Variants in LCE1B observed in about 807,000 individuals in gnomAD.
LCE1B encodes late cornified envelope 1B.
For missense variants in LCE1B, 151 were observed against 147.2 expected, an observed-to-expected ratio of 1.03 and a Z score of -0.14; for synonymous variants, 56 against 55.9, an observed-to-expected ratio of 1.00 and a Z score of -0.01.
Position 152,812,714 on chromosome 1 carries a change from C to A in LCE1B, c.268C>A (p.Pro90Thr). The A allele has an allele frequency of 6.2e-7, 1 of 1,614,058 alleles. No individual in the cohort carries two copies. Among genetic ancestry groups the A allele is most frequent in the Non-Finnish European group, 8.5e-7 (1 of 1,179,978 alleles). The change falls in exon 1 of 1, where the codon CCC becomes ACC. Residue 90 changes from proline (P) to threonine (T), a missense_variant. Pro to Thr is a conservative substitution (Grantham distance 38). Transcript: ENST00000360090. ...GCGCCGTAGGTCCCACTGCCACAGA[C>A]CCCAGAGCTCTGGCTGCTGCAGCCA... ...HRRRRSHCHRPQSSGCCSQPS... is the reference protein window; with the variant it reads ...HRRRRSHCHRTQSSGCCSQPS...
rs1652514311 is a variant in LCE1B at position 152,812,154 on chromosome 1, T to C, written c.-293T>C. On this transcript the variant is annotated 5_prime_UTR_variant, in exon 1 of 1. Transcript: ENST00000360090. ...CTACATGCTTGATTTTGAGAATACT[T>C]TCTTAATATCTTTTGGCTTCGGTTT... is the stretch of plus-strand genomic sequence containing the variant. The C allele has an allele frequency of 2.3e-6, 1 of 425,792 alleles. No individual in the cohort carries two copies. The highest frequency in any genetic ancestry group is 4.2e-6 in the Non-Finnish European group (1 of 237,030). 26.4% of individuals were successfully genotyped at this position (425,792 alleles called of 1,614,324 possible). A position where few individuals can be genotyped will look rare whatever the true frequency, so the allele number is the denominator to read the frequency against.
rs1038723191 is a variant in LCE1B at position 152,812,074 on chromosome 1, T to C, written c.-373T>C. The C allele has an allele frequency of 1.8e-4, 35 of 191,268 alleles. No individual in the cohort carries two copies. The highest frequency in any genetic ancestry group is 8.2e-4 in the African/African-American group (35 of 42,480). The allele number at this position is 191,268 out of a possible 1,614,324, so 11.8% of individuals were successfully genotyped here. On this transcript the variant is annotated 5_prime_UTR_variant, in exon 1 of 1. Coordinates refer to ENST00000360090, the MANE Select transcript of LCE1B (RefSeq NM_178349.2). ...ACAATTTTATTTCCAAACCCCTTTC[T>C]AGATTGTTTTCATGATTCAGGTGTG... is the stretch of plus-strand genomic sequence containing the variant.
chr1:152,812,188 T>G lies in LCE1B; in HGVS notation c.-259T>G. The G allele has an allele frequency of 2.0e-6, 1 of 511,388 alleles. No homozygotes were observed. The highest frequency in any genetic ancestry group is 3.0e-5 in the South Asian group (1 of 33,090). 31.7% of individuals were successfully genotyped at this position (511,388 alleles called of 1,614,324 possible). A position where few individuals can be genotyped will look rare whatever the true frequency, so the allele number is the denominator to read the frequency against. The stretch of plus-strand genomic sequence containing the variant: ...TCTTTTGGCTTCGGTTTTCTAATTA[T>G]AAAATAGTTGAAAATGCTTTATGAT... On this transcript the variant is annotated 5_prime_UTR_variant, in exon 1 of 1. Transcript: ENST00000360090.
Position 152,812,314 on chromosome 1 carries a change from A to G in LCE1B, c.-133A>G, listed in dbSNP as rs541111967. ...AACTTCCCGTGATTAATTAGCTACA[A>G]CTACACTAAGCAGTTCATCAAAATG... On this transcript the variant is annotated 5_prime_UTR_variant, in exon 1 of 1. Transcript: ENST00000360090. 1.1e-6 allele frequency: 1 copy of G among 873,532 alleles called. No homozygotes were observed. Among genetic ancestry groups the G allele is most frequent in the African/African-American group, 1.6e-5 (1 of 60,850 alleles). 54.1% of individuals were successfully genotyped at this position (873,532 alleles called of 1,614,324 possible).
Position 152,812,096 on chromosome 1 carries a change from T to C in LCE1B, c.-351T>C, listed in dbSNP as rs900072555. On this transcript the variant is annotated 5_prime_UTR_variant, in exon 1 of 1. Transcript: ENST00000360090. ...TTCTAGATTGTTTTCATGATTCAGGTGTGTAGTTGAAGCAGAATGTCTCCT... is the reference window on the plus strand; with the variant it reads ...TTCTAGATTGTTTTCATGATTCAGGCGTGTAGTTGAAGCAGAATGTCTCCT... 7 of 229,074 alleles carry C rather than the reference T, an allele frequency of 3.1e-5. No homozygotes were observed. Among genetic ancestry groups the C allele is most frequent in the African/African-American group, 1.6e-4 (7 of 43,914 alleles). The allele number at this position is 229,074 out of a possible 1,614,324, so 14.2% of individuals were successfully genotyped here.
rs1245019433 is a variant in LCE1B, at chr1:152,812,599, C to T, written c.153C>T (p.Cys51=). ...GCTGCAGTGTCAGCTCCGGAGGCTG[C>T]TGTGGCTCCAGCTCTGGGGGAAGCT... ...SSCCSVSSGG[C]CGSSSGGSCG... Residue 51 remains cysteine (C), a synonymous_variant, in exon 1 of 1, where the codon TGC becomes TGT. Coordinates refer to ENST00000360090, the MANE Select transcript of LCE1B (RefSeq NM_178349.2). 3 of 1,612,652 alleles carry T rather than the reference C, an allele frequency of 1.9e-6. No homozygotes were observed. The highest frequency in any genetic ancestry group is 1.4e-5 in the African/African-American group (1 of 73,882).
chr1:152,813,011 C>A lies in LCE1B; in HGVS notation c.*208C>A. Reference sequence around the variant, plus strand: ...ACCTCAGTTTGCGTATGTGTGGTTGCTCTGGGAAGCCCAAAGCACAGACCT... The same window carrying A: ...ACCTCAGTTTGCGTATGTGTGGTTGATCTGGGAAGCCCAAAGCACAGACCT... On this transcript the variant is annotated 3_prime_UTR_variant, in exon 1 of 1. Transcript: ENST00000360090. 1 of 629,922 alleles carries A rather than the reference C, an allele frequency of 1.6e-6. No homozygotes were observed. Among genetic ancestry groups the A allele is most frequent in the South Asian group, 2.3e-5 (1 of 43,582 alleles). The allele number at this position is 629,922 out of a possible 1,614,324, so 39.0% of individuals were successfully genotyped here. A position where few individuals can be genotyped will look rare whatever the true frequency, so the allele number is the denominator to read the frequency against.
At position 152,812,542 on chromosome 1, in the gene LCE1B, G is replaced by A; in HGVS notation, c.96G>A (p.Lys32=). The change falls in exon 1 of 1, where the codon AAG becomes AAA. Residue 32 remains lysine, a synonymous_variant. Coordinates refer to ENST00000360090, the MANE Select transcript of LCE1B (RefSeq NM_178349.2). The stretch of plus-strand genomic sequence containing the variant: ...GCCTCACCCCTAGATGCCCCCCAAA[G>A]TGTCCCCCTAAGTGTCCTCCAGTCT... ...PKCLTPRCPP[K]CPPKCPPVSS... is the part of the protein sequence containing the mutation. The A allele has an allele frequency of 6.2e-7, 1 of 1,613,922 alleles. No homozygotes were observed. The highest frequency in any genetic ancestry group is 8.5e-7 in the Non-Finnish European group (1 of 1,179,990).
At position 152,812,767 on chromosome 1, in the gene LCE1B, A is replaced by T. The variant is rs749612236; in HGVS notation, c.321A>T (p.Gly107=). The change falls in exon 1 of 1, where the codon GGA becomes GGT. Residue 107 remains glycine, a synonymous_variant. Coordinates refer to ENST00000360090, the MANE Select transcript of LCE1B (RefSeq NM_178349.2). The stretch of plus-strand genomic sequence containing the variant: ...CCTCCGGGGGCTCCAGCTGCTGTGG[A>T]GGAGGGAGTGGCCAGCACTCTGGAG... The part of the protein sequence containing the change: ...SQPSGGSSCC[G]GGSGQHSGGC... The T allele has an allele frequency of 1.2e-6, 2 of 1,612,442 alleles. No homozygotes were observed. Among genetic ancestry groups the T allele is most frequent in the Non-Finnish European group, 1.7e-6 (2 of 1,179,078 alleles).
chr1:152,812,519 C>T lies in LCE1B; in HGVS notation c.73C>T (p.Leu25Phe), dbSNP rs534839103. 5.0e-6 allele frequency: 8 copies of T among 1,614,164 alleles called. No individual in the cohort carries two copies. Among genetic ancestry groups the T allele is most frequent in the East Asian group, 2.2e-5 (1 of 44,870 alleles). ...CATCCCCAAGTGCCCTCCCAAGTGCCTCACCCCTAGATGCCCCCCAAAGTG... is the reference window on the plus strand; with the variant it reads ...CATCCCCAAGTGCCCTCCCAAGTGCTTCACCCCTAGATGCCCCCCAAAGTG... ...KCIPKCPPKC[L>F]TPRCPPKCPP... Residue 25 changes from leucine to phenylalanine, a missense_variant, in exon 1 of 1, where the codon CTC (leucine) becomes TTC (phenylalanine). By Grantham distance (22) the Leu-to-Phe change is conservative (BLOSUM62 0). Coordinates refer to ENST00000360090, the MANE Select transcript of LCE1B (RefSeq NM_178349.2).
In LCE1B at chr1:152,812,627, G is replaced by T. The variant is rs1192423582; in HGVS notation, c.181G>T (p.Gly61Cys). ...TGGCTCCAGCTCTGGGGGAAGCTGTGGCTCCAGCTCTGGGGGTTGCTGCAG... is the reference window on the plus strand; with the variant it reads ...TGGCTCCAGCTCTGGGGGAAGCTGTTGCTCCAGCTCTGGGGGTTGCTGCAG... ...CCGSSSGGSC[G>C]SSSGGCCSSG... Residue 61 changes from glycine to cysteine, a missense_variant, in exon 1 of 1, where the codon GGC (glycine) becomes TGC (cysteine). Physicochemically the swap from Gly to Cys is radical, Grantham distance 159. Transcript: ENST00000360090. The T allele has an allele frequency of 6.2e-7, 1 of 1,613,616 alleles. No homozygotes were observed. Among genetic ancestry groups the T allele is most frequent in the South Asian group, 1.1e-5 (1 of 91,080 alleles).
In LCE1B at chr1:152,812,716, C is replaced by T; in HGVS notation, c.270C>T (p.Pro90=). ...GCCGTAGGTCCCACTGCCACAGACC[C>T]CAGAGCTCTGGCTGCTGCAGCCAGC... ...HRRRRSHCHR[P]QSSGCCSQPS... Residue 90 remains proline (P), a synonymous_variant, in exon 1 of 1, where the codon CCC becomes CCT. Transcript: ENST00000360090. The T allele has an allele frequency of 6.2e-7, 1 of 1,614,078 alleles. No individual in the cohort carries two copies. Among genetic ancestry groups the T allele is most frequent in the African/African-American group, 1.3e-5 (1 of 75,034 alleles).
Position 152,812,387 on chromosome 1 carries a change from C to G in LCE1B, c.-60C>G. On this transcript the variant is annotated 5_prime_UTR_variant, in exon 1 of 1. Transcript: ENST00000360090. The stretch of plus-strand genomic sequence containing the variant: ...AAGGGCAAGAATAGGCCGGGGTGGC[C>G]TCTACCTGGGTCTAACTTGCTGTCT... 6.5e-7 allele frequency: 1 copy of G among 1,542,866 alleles called. No individual in the cohort carries two copies. The highest frequency in any genetic ancestry group is 9.0e-7 in the Non-Finnish European group (1 of 1,115,316).
At position 152,812,377 on chromosome 1, in the gene LCE1B, C is replaced by A; in HGVS notation, c.-70C>A. ...ATGATGCTGAAAGGGCAAGAATAGGCCGGGGTGGCCTCTACCTGGGTCTAA... is the reference window on the plus strand; with the variant it reads ...ATGATGCTGAAAGGGCAAGAATAGGACGGGGTGGCCTCTACCTGGGTCTAA... On this transcript the variant is annotated 5_prime_UTR_variant, in exon 1 of 1. Coordinates refer to ENST00000360090, the MANE Select transcript of LCE1B (RefSeq NM_178349.2). The A allele has an allele frequency of 2.1e-6, 3 of 1,415,876 alleles. No individual in the cohort carries two copies. Among genetic ancestry groups the A allele is most frequent in the Non-Finnish European group, 2.0e-6 (2 of 1,000,272 alleles). The allele number at this position is 1,415,876 out of a possible 1,614,324, so 87.7% of individuals were successfully genotyped here.
In LCE1B at chr1:152,812,217, A is replaced by T. The variant is rs1459502398; in HGVS notation, c.-230A>T. ...ATAGTTGAAAATGCTTTATGATTTT[A>T]TAAGTATATAAAAAGCATTAGGTTC... On this transcript the variant is annotated 5_prime_UTR_variant, in exon 1 of 1. Coordinates refer to ENST00000360090, the MANE Select transcript of LCE1B (RefSeq NM_178349.2). 2 of 563,330 alleles carry T rather than the reference A, an allele frequency of 3.6e-6. No individual in the cohort carries two copies. The highest frequency in any genetic ancestry group is 6.4e-6 in the Non-Finnish European group (2 of 312,454). The allele number at this position is 563,330 out of a possible 1,614,324, so 34.9% of individuals were successfully genotyped here. A position where few individuals can be genotyped will look rare whatever the true frequency, so the allele number is the denominator to read the frequency against.
rs1352252824 is a variant in LCE1B at position 152,812,164 on chromosome 1, C to A, written c.-283C>A. 1.3e-5 allele frequency: 6 copies of A among 456,716 alleles called. No homozygotes were observed. The highest frequency in any genetic ancestry group is 2.0e-5 in the African/African-American group (1 of 51,090). 28.3% of individuals were successfully genotyped at this position (456,716 alleles called of 1,614,324 possible). A position where few individuals can be genotyped will look rare whatever the true frequency, so the allele number is the denominator to read the frequency against. Reference sequence around the variant, plus strand: ...GATTTTGAGAATACTTTCTTAATATCTTTTGGCTTCGGTTTTCTAATTATA... The same window carrying A: ...GATTTTGAGAATACTTTCTTAATATATTTTGGCTTCGGTTTTCTAATTATA... On this transcript the variant is annotated 5_prime_UTR_variant, in exon 1 of 1. Transcript: ENST00000360090.
At position 152,812,688 on chromosome 1, in the gene LCE1B, G is replaced by A. The variant is rs758041507; in HGVS notation, c.242G>A (p.Arg81Lys). The A allele has an allele frequency of 1.1e-5, 17 of 1,613,946 alleles. No individual in the cohort carries two copies. The African/African-American group carries it at 1.5e-4, about 14-fold the overall frequency. The change falls in exon 1 of 1, where the codon AGG becomes AAG. Residue 81 changes from arginine (R) to lysine (K), a missense_variant. Transcript: ENST00000360090. The part of the protein sequence containing the change: ...GGGGCCLSHH[R>K]RRRSHCHRPQ... ...GGTGGCTGCTGCCTGAGCCACCACA[G>A]GCGCCGTAGGTCCCACTGCCACAGA...
chr1:152,812,358 C>A lies in LCE1B; in HGVS notation c.-89C>A. 1 of 1,219,104 alleles carries A rather than the reference C, an allele frequency of 8.2e-7. No homozygotes were observed. Among genetic ancestry groups the A allele is most frequent in the Non-Finnish European group, 1.2e-6 (1 of 824,310 alleles). 75.5% of individuals were successfully genotyped at this position (1,219,104 alleles called of 1,614,324 possible). On this transcript the variant is annotated 5_prime_UTR_variant, in exon 1 of 1. The change creates a new upstream start codon in the 5' untranslated region. Coordinates refer to ENST00000360090, the MANE Select transcript of LCE1B (RefSeq NM_178349.2). Reference sequence around the variant, plus strand: ...CAAAATGTAGGGATTAGAAATGATGCTGAAAGGGCAAGAATAGGCCGGGGT... The same window carrying A: ...CAAAATGTAGGGATTAGAAATGATGATGAAAGGGCAAGAATAGGCCGGGGT...
At position 152,812,275 on chromosome 1, in the gene LCE1B, A is replaced by G. The variant is rs1404586088; in HGVS notation, c.-172A>G. 3 of 679,364 alleles carry G rather than the reference A, an allele frequency of 4.4e-6. No individual in the cohort carries two copies. Among genetic ancestry groups the G allele is most frequent in the Non-Finnish European group, 7.9e-6 (3 of 381,222 alleles). The allele number at this position is 679,364 out of a possible 1,614,324, so 42.1% of individuals were successfully genotyped here. A position where few individuals can be genotyped will look rare whatever the true frequency, so the allele number is the denominator to read the frequency against. On this transcript the variant is annotated 5_prime_UTR_variant, in exon 1 of 1. Transcript: ENST00000360090. The stretch of plus-strand genomic sequence containing the variant: ...AGGCTATAAGTGTGTTTAGCCAACT[A>G]TTAGACACAATGAAACTTCCCGTGA...
Sources: gnomAD v4.1 joint callset for allele counts on GRCh38, gnomAD v4.1.1 for gene constraint, MANE v1.5 for transcripts, NCBI Gene and HGNC (gene_info 2026-07-23, HGNC 2026-07-21) for gene names.